CPA6: variants seen among roughly 807,000 people sequenced by gnomAD.
CPA6 encodes carboxypeptidase A6.
Under a neutral mutation model 63.3 loss-of-function variants are expected in CPA6, and 58 were observed. That is an observed-to-expected ratio of 0.92 (90% CI 0.74 to 1.14). The LOEUF (loss-of-function observed/expected upper bound fraction) is 1.14, where lower values mean the gene tolerates loss of function less well. CPA6 is among the 50% of genes most tolerant of loss of function. CPA6 has a pLI of 0.00. For missense variants in CPA6, 565 were observed against 526.6 expected, an observed-to-expected ratio of 1.07 and a Z score of -0.71; for synonymous variants, 185 against 179.0, an observed-to-expected ratio of 1.03 and a Z score of -0.27.
At chr8:67,627,757 C>T (rs1259756624) in intron 1 of CPA6, among the ~76,000 whole-genome samples, 1 of 152,134 alleles carries the variant, frequency 6.6e-6, no homozygotes, top group Non-Finnish European at 1.5e-5. Context: ...GTTCCTTTGC[C>T]CTACAAGACA....
intron 8 of CPA6, among the ~76,000 whole-genome samples, chr8:67,476,043 C>T (rs1185335835): frequency 1.3e-5 from 2 of 149,768 alleles, no homozygotes; most frequent in African/African-American, 2.5e-5. Context: ...GATACAGAGT[C>T]TTGCTCTGTT....
chr8:67,660,322 GTTTTTTTTTTTTTT>G (rs869189030), intron 1 of CPA6, among the ~76,000 whole-genome samples: 1 of 73,906 alleles, frequency 1.4e-5, no homozygotes, highest in Non-Finnish European at 2.3e-5. Flanking sequence ...ATTATTGCAG[GTTTTTTTTTTTTTT>G]TTTTTTTTTT....
intron 1 of CPA6, among the ~76,000 whole-genome samples, chr8:67,697,487 A>C (rs866754240): frequency 9.8e-5 from 15 of 152,316 alleles, no homozygotes; most frequent in Middle Eastern, 3.4e-3. Context: ...AAGATGAACC[A>C]CCTTTCTTAC....
At chr8:67,491,059 C>T (rs1055183038) in intron 6 of CPA6, among the ~76,000 whole-genome samples, 1 of 151,978 alleles carries the variant, frequency 6.6e-6, no homozygotes, top group Non-Finnish European at 1.5e-5. Context: ...GAAAGGGGCA[C>T]AGTCACCATC....
At chr8:67,505,956 A>G (rs1285359941) in intron 6 of CPA6, among the ~76,000 whole-genome samples, 1 of 152,136 alleles carries the variant, frequency 6.6e-6, no homozygotes, top group Non-Finnish European at 1.5e-5. Flanking sequence ...TTTGTGGCTA[A>G]GACCCTTCAT....
At chr8:67,610,557 A>G (rs1814779697) in intron 2 of CPA6, among the ~76,000 whole-genome samples, 1 of 152,236 alleles carries the variant, frequency 6.6e-6, no homozygotes, top group South Asian at 2.1e-4. Context: ...TAGTCAAGGC[A>G]GAAATAAGAA....
At chr8:67,572,733 A>G (rs1173745802) in intron 2 of CPA6, among the ~76,000 whole-genome samples, 19 of 152,212 alleles carry the variant, frequency 1.2e-4, no homozygotes, top group Admixed American at 1.2e-3. Flanking sequence ...CTAATTCTCT[A>G]CAGACTTCCA....
At chr8:67,488,575 TC>T (rs1356081285) in intron 6 of CPA6, among the ~76,000 whole-genome samples, 1 of 152,218 alleles carries the variant, frequency 6.6e-6, no homozygotes, top group Non-Finnish European at 1.5e-5. Flanking sequence ...AGTAGTTTTT[TC>T]CAATTCTGTG....
intron 2 of CPA6, among the ~76,000 whole-genome samples, chr8:67,575,977 T>C (rs1383720885): frequency 6.6e-6 from 1 of 152,182 alleles, no homozygotes; most frequent in African/African-American, 2.4e-5. Context: ...GATTTTGGTA[T>C]TGAAAACAAT....
At chr8:67,592,999 C>T (rs1262392856) in intron 2 of CPA6, among the ~76,000 whole-genome samples, 1 of 149,948 alleles carries the variant, frequency 6.7e-6, no homozygotes, top group African/African-American at 2.5e-5. Flanking sequence ...TTGGATCTTT[C>T]CTGCTTTCTC....
chr8:67,511,716 C>T (rs941686652), intron 3 of CPA6, 61 bp from the exon 4 acceptor site: 43 of 945,956 alleles, frequency 4.5e-5, no homozygotes, highest in Non-Finnish European at 7.3e-5. Context: ...AATCAGGCAA[C>T]ACCCAGAAAA....
intron 1 of CPA6, among the ~76,000 whole-genome samples, chr8:67,739,863 T>C (rs1817880480): frequency 6.6e-6 from 1 of 152,162 alleles, no homozygotes; most frequent in Admixed American, 6.5e-5. Flanking sequence ...GAGAAAGGAC[T>C]AGAGAATGGC....
chr8:67,551,170 C>T (rs946620792), intron 2 of CPA6, among the ~76,000 whole-genome samples: 2 of 152,102 alleles, frequency 1.3e-5, no homozygotes, highest in Non-Finnish European at 2.9e-5. Flanking sequence ...TGAGGTCTTA[C>T]ATTGAAATCT....
chr8:67,696,601 T>C (rs1816916700), intron 1 of CPA6, among the ~76,000 whole-genome samples: 1 of 151,778 alleles, frequency 6.6e-6, no homozygotes, highest in African/African-American at 2.4e-5. Context: ...TAGCCAAAAA[T>C]GGAAACAACA....
chr8:67,494,606 C>T lies in CPA6; in HGVS notation c.637-9817G>A, dbSNP rs116022456. Among the ~76,000 whole-genome samples the T allele has an allele frequency of 8.4e-3, 1,279 of 152,218 alleles. 17 individuals carry two copies. The highest frequency in any genetic ancestry group is 0.029 in the African/African-American group (1,216 of 41,522). On this transcript the variant is annotated intron_variant, in intron 6 of 10. Transcript: ENST00000297770. ...GTTATTCTGAAAAATGAAGCAAATG[C>T]TATTCCATCTGCATTGGCAACAAAG...
At chr8:67,735,265 G>T (rs1048128478) in intron 1 of CPA6, 8 of 152,146 alleles carry the variant, frequency 5.3e-5, no homozygotes, top group African/African-American at 1.9e-4. Context: ...GACACTGCCT[G>T]GCACAGCTAC....
chr8:67,618,673 C>T (rs561887366), intron 2 of CPA6, among the ~76,000 whole-genome samples: 70 of 152,272 alleles, frequency 4.6e-4, no homozygotes, highest in African/African-American at 1.6e-3. Flanking sequence ...TCCTATCCTA[C>T]AGCTCTCTGA....
chr8:67,605,596 A>C (rs999598189), intron 2 of CPA6, among the ~76,000 whole-genome samples: 2 of 142,638 alleles, frequency 1.4e-5, no homozygotes, highest in African/African-American at 2.6e-5. Context: ...TATGGATCCC[A>C]TGGATGTGGG....
intron 6 of CPA6, among the ~76,000 whole-genome samples, chr8:67,485,519 C>T (rs1811459573): frequency 6.6e-6 from 1 of 152,088 alleles, no homozygotes; most frequent in African/African-American, 2.4e-5. Flanking sequence ...GCTTTCCTCC[C>T]AATATATTTT....
Sources: gnomAD v4.1 joint callset for allele counts (sites outside exome capture counted in the v4.1 genomes callset) on GRCh38, gnomAD v4.1.1 for gene constraint, MANE v1.5 for transcripts, NCBI Gene and HGNC (gene_info 2026-07-23, HGNC 2026-07-21) for gene names.